SPP2: variants seen among roughly 807,000 people sequenced by gnomAD.
SPP2 encodes the protein secreted phosphoprotein 24.
Under a neutral mutation model 28.8 loss-of-function variants are expected in SPP2, and 34 were observed. The ratio of observed to expected loss-of-function variants is 1.18; its 90% confidence interval spans 0.90 to 1.57. The LOEUF (loss-of-function observed/expected upper bound fraction) is 1.57. SPP2 is among the 40% of genes most tolerant of loss of function. The pLI, the probability that SPP2 is intolerant of heterozygous loss-of-function variation, is 0.00. For missense variants in SPP2, 269 were observed against 263.9 expected, an observed-to-expected ratio of 1.02 and a Z score of -0.13; for synonymous variants, 96 against 89.4, an observed-to-expected ratio of 1.07 and a Z score of -0.42.
chr2:234,074,761 C>T (rs952542243), intron 7 of SPP2, among the ~76,000 whole-genome samples: 1 of 152,144 alleles, frequency 6.6e-6, no homozygotes, highest in African/African-American at 2.4e-5. Flanking sequence ...ACTGATTAGT[C>T]TATAACCTTG....
At chr2:234,051,854 C>T (rs958988431) in intron 2 of SPP2, among the ~76,000 whole-genome samples, 18 of 152,156 alleles carry the variant, frequency 1.2e-4, no homozygotes, top group African/African-American at 2.9e-4. Flanking sequence ...AATGAAGACA[C>T]GGCTGAAGGT....
At chr2:234,051,229 T>C (rs555248755) in intron 2 of SPP2, 134 bp downstream of exon 2, 13 of 1,223,946 alleles carry the variant, frequency 1.1e-5, no homozygotes, top group Non-Finnish European at 1.4e-5. Flanking sequence ...TCATACTGTC[T>C]CTTTTCTTTG....
At chr2:234,052,626 T>C (rs1265438009) in intron 2 of SPP2, among the ~76,000 whole-genome samples, 10 of 152,176 alleles carry the variant, frequency 6.6e-5, no homozygotes, top group South Asian at 2.1e-4. Context: ...GATACAATTA[T>C]ATGCGATGTG....
intron 4 of SPP2, among the ~76,000 whole-genome samples, chr2:234,061,402 T>C (rs1205193904): frequency 6.6e-6 from 1 of 152,170 alleles, no homozygotes; most frequent in South Asian, 2.1e-4. Flanking sequence ...GAAGAGGCCA[T>C]CTCTTCACTT....
intron 2 of SPP2, among the ~76,000 whole-genome samples, chr2:234,052,302 C>T (rs1693514528): frequency 6.6e-6 from 1 of 152,084 alleles, no homozygotes; most frequent in Admixed American, 6.6e-5. Context: ...ATTTCAAATG[C>T]CAGTTTCCAT....
chr2:234,059,356 T>G (rs984533335), intron 3 of SPP2, among the ~76,000 whole-genome samples: 3 of 152,200 alleles, frequency 2.0e-5, no homozygotes, highest in African/African-American at 7.2e-5. Context: ...GAATGACATC[T>G]GTCTTCCCCA....
intron 2 of SPP2, among the ~76,000 whole-genome samples, chr2:234,058,079 C>T (rs1199865459): frequency 6.6e-6 from 1 of 152,132 alleles, no homozygotes; most frequent in African/African-American, 2.4e-5. Context: ...TTTGTGAGTT[C>T]CTGCTTAAAG....
intron 4 of SPP2, 49 bp from the exon 5 acceptor site, chr2:234,066,484 T>A: frequency 6.6e-7 from 1 of 1,512,492 alleles, no homozygotes. Context: ...TGTCTTTCCT[T>A]TTTCTTTCTT....
intron 2 of SPP2, among the ~76,000 whole-genome samples, chr2:234,052,238 G>T (rs906359556): frequency 6.6e-6 from 1 of 152,130 alleles, no homozygotes; most frequent in Non-Finnish European, 1.5e-5. Context: ...CCACACCAAA[G>T]GTTGAGCTGC....
chr2:234,059,646 G>C (rs1441240159), intron 3 of SPP2, among the ~76,000 whole-genome samples: 1 of 152,204 alleles, frequency 6.6e-6, no homozygotes, highest in Non-Finnish European at 1.5e-5. Context: ...TTACCTCCCA[G>C]ATCCAGGGCT....
At chr2:234,056,508 A>G (rs942627192) in intron 2 of SPP2, among the ~76,000 whole-genome samples, 11 of 152,198 alleles carry the variant, frequency 7.2e-5, no homozygotes, top group Admixed American at 1.3e-4. Flanking sequence ...GTCCCCTTCA[A>G]GATGCAAAAG....
chr2:234,060,572 A>G (rs1693699311), intron 4 of SPP2, 93 bp downstream of exon 4: 1 of 977,330 alleles, frequency 1.0e-6, no homozygotes, highest in East Asian at 2.7e-5. Context: ...TAGCTGGATC[A>G]TCACCTGGGC....
intron 6 of SPP2, among the ~76,000 whole-genome samples, chr2:234,068,746 TGC>T: frequency 6.6e-6 from 1 of 151,898 alleles, no homozygotes. Context: ...GGCAAACATT[TGC>T]CCTTGGATTT....
At chr2:234,067,012 T>C (rs1693835392) in intron 5 of SPP2, among the ~76,000 whole-genome samples, 1 of 152,248 alleles carries the variant, frequency 6.6e-6, no homozygotes, top group Non-Finnish European at 1.5e-5. Context: ...CTTCTTTCTT[T>C]TCTTGTGTGG....
intron 2 of SPP2, among the ~76,000 whole-genome samples, chr2:234,057,425 G>A (rs760641041): frequency 1.3e-5 from 2 of 152,164 alleles, no homozygotes; most frequent in Non-Finnish European, 2.9e-5. Flanking sequence ...ATCCTTCAAG[G>A]CTCAGTTTAA....
intron 5 of SPP2, 36 bp from the exon 6 acceptor site, chr2:234,067,188 G>C: frequency 1.3e-6 from 2 of 1,584,370 alleles, no homozygotes; most frequent in African/African-American, 1.3e-5. Context: ...GGAACAGTGA[G>C]AGGAGTCTTG....
At chr2:234,056,757 TTATAAG>T (rs1693616382) in intron 2 of SPP2, among the ~76,000 whole-genome samples, 1 of 152,162 alleles carries the variant, frequency 6.6e-6, no homozygotes, top group African/African-American at 2.4e-5. Context: ...TATATTAAAA[TTATAAG>T]TATATGAGGT....
At chr2:234,075,742 C>T (rs896091905) in intron 7 of SPP2, among the ~76,000 whole-genome samples, 14 of 152,230 alleles carry the variant, frequency 9.2e-5, no homozygotes, top group African/African-American at 3.4e-4. Flanking sequence ...CTCCTCCACA[C>T]TGTCCCTCCA....
At chr2:234,051,382 C>G (rs1265344974) in intron 2 of SPP2, among the ~76,000 whole-genome samples, 1 of 152,160 alleles carries the variant, frequency 6.6e-6, no homozygotes, top group Non-Finnish European at 1.5e-5. Context: ...CCTCGCGATT[C>G]TTTCTGAGGT....
Sources: gnomAD v4.1 joint callset for allele counts (sites outside exome capture counted in the v4.1 genomes callset) on GRCh38, gnomAD v4.1.1 for gene constraint, MANE v1.5 for transcripts, NCBI Gene and HGNC (gene_info 2026-07-23, HGNC 2026-07-21) for gene names.